Variants in MARCHF3 observed in about 807,000 individuals in gnomAD.
The protein encoded by MARCHF3 is E3 ubiquitin-protein ligase MARCHF3.
Under a neutral mutation model 24.2 loss-of-function variants are expected in MARCHF3, and 13 were observed. That is an observed-to-expected ratio of 0.54 (90% CI 0.35 to 0.85). The LOEUF (loss-of-function observed/expected upper bound fraction) is 0.85. Ranked by LOEUF, MARCHF3 falls within the 40% of genes least tolerant of loss-of-function variation. MARCHF3 has a pLI of 0.01. For missense variants in MARCHF3, 276 were observed against 325.0 expected (o/e 0.85, Z 1.16); for synonymous variants, 144 against 137.3 (o/e 1.05, Z -0.34).
At chr5:126,894,645 G>C (rs1753807952) in intron 3 of MARCHF3, among the ~76,000 whole-genome samples, 1 of 151,906 alleles carries the variant, frequency 6.6e-6, no homozygotes, top group Non-Finnish European at 1.5e-5. Flanking sequence ...TAGGGTTTCT[G>C]CCGAGAGATC....
rs73783494 is a variant in MARCHF3, at chr5:126,918,655, T to C, written c.-56-428A>G. Among the ~76,000 whole-genome samples the C allele has an allele frequency of 8.5e-3, 1,289 of 152,296 alleles. 19 individuals are homozygous for C. Among genetic ancestry groups the C allele is most frequent in the East Asian group, 0.026 (133 of 5,184 alleles). On this transcript the variant is annotated intron_variant, in intron 1 of 4. Transcript: ENST00000308660. ...TTTCTGGTAAGCAATTTATTCTACA[T>C]GCAGCTTCATTCTGAGATACTAAGA...
At chr5:126,897,118 C>T (rs1459318743) in intron 3 of MARCHF3, among the ~76,000 whole-genome samples, 1 of 148,556 alleles carries the variant, frequency 6.7e-6, no homozygotes, top group African/African-American at 2.5e-5. Flanking sequence ...CGGCTCACTG[C>T]AACCTCTGCC....
intron 1 of MARCHF3, among the ~76,000 whole-genome samples, chr5:127,027,692 A>C (rs1753048173): frequency 6.6e-6 from 1 of 152,250 alleles, no homozygotes; most frequent in Non-Finnish European, 1.5e-5. Flanking sequence ...AAAGGGGTCC[A>C]TTGTTGAAGA....
intron 1 of MARCHF3, chr5:127,029,953 T>C (rs1753123300): frequency 6.6e-6 from 1 of 152,228 alleles, no homozygotes; most frequent in Admixed American, 6.5e-5. Flanking sequence ...CGCTCAGCCT[T>C]GAGATCCAGA....
At chr5:126,912,178 C>A (rs1372025195) in intron 3 of MARCHF3, among the ~76,000 whole-genome samples, 1 of 152,196 alleles carries the variant, frequency 6.6e-6, no homozygotes, top group Non-Finnish European at 1.5e-5. Context: ...TAAAAATGAA[C>A]ATCCAACTGT....
At chr5:126,879,395 C>G (rs551775919) in intron 3 of MARCHF3, among the ~76,000 whole-genome samples, 3 of 152,236 alleles carry the variant, frequency 2.0e-5, no homozygotes. Context: ...TCACCTGACC[C>G]CATGAACTCA....
At chr5:126,886,431 G>A (rs75391138) in intron 3 of MARCHF3, among the ~76,000 whole-genome samples, 2,811 of 152,216 alleles carry the variant, frequency 0.018, 83 homozygotes, top group African/African-American at 0.064. Context: ...CAGTTGCCCC[G>A]CATTGTGGTT....
chr5:126,908,038 T>G (rs1431424628), intron 3 of MARCHF3, among the ~76,000 whole-genome samples: 3 of 152,164 alleles, frequency 2.0e-5, no homozygotes, highest in African/African-American at 7.2e-5. Flanking sequence ...TCTCTCAGCA[T>G]TTGCTTGTCT....
intron 1 of MARCHF3, among the ~76,000 whole-genome samples, chr5:126,957,586 A>C (rs1177168023): frequency 6.6e-6 from 1 of 152,150 alleles, no homozygotes; most frequent in Non-Finnish European, 1.5e-5. Context: ...ATTTTTGATA[A>C]CTTCTTTATT....
At chr5:126,931,363 T>C (rs1007475738) in intron 1 of MARCHF3, among the ~76,000 whole-genome samples, 2 of 152,160 alleles carry the variant, frequency 1.3e-5, no homozygotes, top group African/African-American at 2.4e-5. Context: ...AAAGAGCAAA[T>C]ACTTTCTTAT....
chr5:126,880,979 C>T (rs1464547334), intron 3 of MARCHF3, among the ~76,000 whole-genome samples: 1 of 152,070 alleles, frequency 6.6e-6, no homozygotes, highest in African/African-American at 2.4e-5. Flanking sequence ...ATTTATGTGG[C>T]CCTTGACATT....
intron 1 of MARCHF3, among the ~76,000 whole-genome samples, chr5:126,962,629 T>A (rs1406160511): frequency 1.3e-5 from 2 of 152,176 alleles, no homozygotes; most frequent in Non-Finnish European, 2.9e-5. Flanking sequence ...TTTAAAATAT[T>A]ATATGAAGTT....
chr5:126,902,624 C>T (rs927351457), intron 3 of MARCHF3, among the ~76,000 whole-genome samples: 1 of 152,160 alleles, frequency 6.6e-6, no homozygotes, highest in African/African-American at 2.4e-5. Flanking sequence ...TTCCATCTGG[C>T]ACGGTCATGT....
rs1161785194 is a variant in MARCHF3 at position 127,030,502 on chromosome 5, C to T, written c.-209G>A. ...GGGAGTGCGGCAAGCCTGGCGGCCGCCGCGGCCACACAGTCGCCCACAGCG... is the reference window on the plus strand; with the variant it reads ...GGGAGTGCGGCAAGCCTGGCGGCCGTCGCGGCCACACAGTCGCCCACAGCG... On this transcript the variant is annotated 5_prime_UTR_variant, in exon 1 of 5. Transcript: ENST00000308660. 1 of 152,636 alleles carries T rather than the reference C, an allele frequency of 6.6e-6. No homozygotes were observed. The highest frequency in any genetic ancestry group is 1.5e-5 in the Non-Finnish European group (1 of 68,366). 9.5% of individuals were successfully genotyped at this position (152,636 alleles called of 1,614,324 possible). A position where few individuals can be genotyped will look rare whatever the true frequency, so the allele number is the denominator to read the frequency against.
intron 3 of MARCHF3, among the ~76,000 whole-genome samples, chr5:126,897,868 AG>A (rs1246847525): frequency 6.6e-6 from 1 of 152,128 alleles, no homozygotes; most frequent in Non-Finnish European, 1.5e-5. Flanking sequence ...TTAGCAAGGA[AG>A]GTTAAGATAC....
intron 1 of MARCHF3, among the ~76,000 whole-genome samples, chr5:126,948,567 C>T (rs997869152): frequency 6.6e-6 from 1 of 152,174 alleles, no homozygotes; most frequent in Non-Finnish European, 1.5e-5. Flanking sequence ...AAGCTGAAAG[C>T]AGCGTGAAGT....
chr5:126,956,294 T>C (rs1276777060), intron 1 of MARCHF3, among the ~76,000 whole-genome samples: 1 of 152,142 alleles, frequency 6.6e-6, no homozygotes, highest in African/African-American at 2.4e-5. Context: ...GAAACAAAGA[T>C]GCAGAGATCT....
chr5:126,873,422 AAAG>A (rs1178608768), intron 4 of MARCHF3, among the ~76,000 whole-genome samples: 5 of 152,144 alleles, frequency 3.3e-5, no homozygotes, highest in Admixed American at 1.3e-4. Flanking sequence ...AAAAAAAAAA[AAAG>A]AGAGACAGAG....
intron 1 of MARCHF3, among the ~76,000 whole-genome samples, chr5:126,989,298 CTACTACTAG>C (rs1405826421): frequency 2.0e-5 from 3 of 148,780 alleles, no homozygotes; most frequent in African/African-American, 7.6e-5. Flanking sequence ...ACTACTACTA[CTACTACTAG>C]TACTACTACT....
Sources: allele counts gnomAD v4.1 joint callset (sites outside exome capture counted in the v4.1 genomes callset), GRCh38; gene constraint gnomAD v4.1.1; transcripts MANE v1.5; gene names NCBI Gene and HGNC (gene_info 2026-07-23, HGNC 2026-07-21).